CFAP77: variants seen among roughly 807,000 people sequenced by gnomAD.
CFAP77 encodes cilia and flagella associated protein 77.
In CFAP77, 25 loss-of-function variants were observed where a neutral mutation model predicts 31.1. The ratio of observed to expected loss-of-function variants is 0.80; its 90% CI spans 0.59 to 1.12. CFAP77 has a LOEUF of 1.12. CFAP77 is among the 50% of genes most tolerant of loss of function. The pLI is 0.00. For missense variants in CFAP77, 377 were observed against 397.3 expected, an observed-to-expected ratio of 0.95 and a Z score of 0.44; for synonymous variants, 151 against 159.9, an observed-to-expected ratio of 0.94 and a Z score of 0.42.
intron 1 of CFAP77, among the ~76,000 whole-genome samples, chr9:132,439,572 A>T (rs112366091): frequency 5.5e-4 from 83 of 151,704 alleles, no homozygotes; most frequent in African/African-American, 2.0e-3. Context: ...TCTGGCCGGG[A>T]GTGGTGGCTC....
At chr9:132,484,155 C>T (rs1851498734) in intron 1 of CFAP77, among the ~76,000 whole-genome samples, 1 of 152,120 alleles carries the variant, frequency 6.6e-6, no homozygotes, top group South Asian at 2.1e-4. Context: ...CCAGGCTGGT[C>T]TCAAACTCCT....
At position 132,538,005 on chromosome 9, in the gene CFAP77, G is replaced by A. The variant is rs540425868; in HGVS notation, c.630+299G>A. 4.6e-5 allele frequency among the ~76,000 whole-genome samples: 7 copies of A among 152,150 alleles called. No homozygotes were observed. The South Asian group carries it at 1.2e-3, about 27-fold the overall frequency. On this transcript the variant is annotated intron_variant, in intron 4 of 5. Coordinates refer to ENST00000393216, the MANE Select transcript of CFAP77 (RefSeq NM_001282957.2). ...ACCCAGCTGTCCTGACTCCTACCTCGGGACCCTTCCCACCAAACCTCTGCA... is the reference window on the plus strand; with the variant it reads ...ACCCAGCTGTCCTGACTCCTACCTCAGGACCCTTCCCACCAAACCTCTGCA...
At chr9:132,435,156 G>A (rs183101526) in intron 1 of CFAP77, among the ~76,000 whole-genome samples, 3 of 152,130 alleles carry the variant, frequency 2.0e-5, no homozygotes, top group African/African-American at 4.8e-5. Flanking sequence ...TAGGAACAGC[G>A]GGAGGGAATG....
intron 5 of CFAP77, among the ~76,000 whole-genome samples, chr9:132,561,604 T>TACACACACACACACAC (rs61039438): frequency 9.0e-6 from 1 of 111,486 alleles, no homozygotes; most frequent in Non-Finnish European, 1.8e-5. Context: ...GAGGTGCATG[T>TACACACACACACACAC]ACACACACAC....
chr9:132,494,483 C>T (rs1186936703), intron 1 of CFAP77, among the ~76,000 whole-genome samples: 2 of 152,180 alleles, frequency 1.3e-5, no homozygotes, highest in African/African-American at 4.8e-5. Context: ...ATTTTTTATC[C>T]ACCTACGATG....
chr9:132,553,877 AC>A (rs1435180983), intron 5 of CFAP77, among the ~76,000 whole-genome samples: 1 of 152,262 alleles, frequency 6.6e-6, no homozygotes, highest in Non-Finnish European at 1.5e-5. Context: ...CACTTGAATC[AC>A]TTAATACAAG....
chr9:132,447,652 A>ATTG, intron 1 of CFAP77, among the ~76,000 whole-genome samples: 1 of 152,202 alleles, frequency 6.6e-6, no homozygotes, highest in Admixed American at 6.5e-5. Context: ...GTTCGGACCT[A>ATTG]ACACTCCTCT....
At chr9:132,520,066 C>G (rs1852242358) in intron 3 of CFAP77, among the ~76,000 whole-genome samples, 1 of 151,756 alleles carries the variant, frequency 6.6e-6, no homozygotes, top group Non-Finnish European at 1.5e-5. Flanking sequence ...CCCTCAAATC[C>G]TGTACCATTC....
intron 5 of CFAP77, among the ~76,000 whole-genome samples, chr9:132,567,931 C>T (rs561446230): frequency 3.3e-5 from 5 of 152,246 alleles, no homozygotes; most frequent in Admixed American, 1.3e-4. Flanking sequence ...GATTTCATCT[C>T]GAGATCTTTA....
chr9:132,432,862 C>T (rs931117780), intron 1 of CFAP77, among the ~76,000 whole-genome samples: 2 of 151,038 alleles, frequency 1.3e-5, no homozygotes, highest in East Asian at 2.0e-4. Context: ...TACAGGCACC[C>T]GCCACCACGC....
At chr9:132,418,230 A>G (rs969705164) in intron 1 of CFAP77, among the ~76,000 whole-genome samples, 2 of 152,224 alleles carry the variant, frequency 1.3e-5, no homozygotes, top group African/African-American at 4.8e-5. Flanking sequence ...ACGTCTGGAG[A>G]CATTTTTGGT....
chr9:132,429,012 T>A (rs982107338), intron 1 of CFAP77, among the ~76,000 whole-genome samples: 5 of 152,198 alleles, frequency 3.3e-5, no homozygotes, highest in Non-Finnish European at 7.4e-5. Context: ...CATGTTGAAC[T>A]GGGGACCTCT....
chr9:132,520,633 T>G (rs117037553), intron 3 of CFAP77, among the ~76,000 whole-genome samples: 2,172 of 152,264 alleles, frequency 0.014, 21 homozygotes, highest in Non-Finnish European at 0.023. Context: ...TCTAAATAAA[T>G]AAATTAATTA....
At chr9:132,513,382 A>G (rs528364558) in intron 3 of CFAP77, 6 of 1,523,496 alleles carry the variant, frequency 3.9e-6, no homozygotes, top group Non-Finnish European at 5.3e-6. Context: ...TTTAATATTG[A>G]AGAAATAAAA....
chr9:132,427,721 C>T (rs1023313583), intron 1 of CFAP77, among the ~76,000 whole-genome samples: 2 of 152,218 alleles, frequency 1.3e-5, no homozygotes, highest in Non-Finnish European at 2.9e-5. Flanking sequence ...TTCCAGGCCT[C>T]TCTCCTGGTT....
At chr9:132,541,269 C>T (rs1852635774) in intron 4 of CFAP77, among the ~76,000 whole-genome samples, 4 of 152,218 alleles carry the variant, frequency 2.6e-5, no homozygotes, top group Admixed American at 2.6e-4. Context: ...ACTCAGCAAA[C>T]CCTGCAAGAA....
chr9:132,544,198 T>C (rs1852695178), intron 5 of CFAP77, among the ~76,000 whole-genome samples: 1 of 152,228 alleles, frequency 6.6e-6, no homozygotes, highest in Non-Finnish European at 1.5e-5. Context: ...CCAAGTGGCC[T>C]CTGCCAGCAT....
chr9:132,431,496 G>A (rs569464058), intron 1 of CFAP77, among the ~76,000 whole-genome samples: 69 of 152,134 alleles, frequency 4.5e-4, no homozygotes, highest in Non-Finnish European at 9.1e-4. Flanking sequence ...CGCTTGAGAT[G>A]TAAAGAAAAA....
At position 132,513,315 on chromosome 9, in the gene CFAP77, C is replaced by G. The variant is rs1448304351; in HGVS notation, c.524+13715C>G. 2.6e-6 allele frequency: 4 copies of G among 1,548,486 alleles called. No homozygotes were observed. In the East Asian group the frequency reaches 9.8e-5, roughly 38 times the overall value. The stretch of plus-strand genomic sequence containing the variant: ...AGCAACATAACTAACTCCCGTGAAC[C>G]CACTACCTGGATTTAGCACGCTAAC... On this transcript the variant is annotated intron_variant, in intron 3 of 5. Transcript: ENST00000393216.
Sources: gnomAD v4.1 joint callset for allele counts (sites outside exome capture counted in the v4.1 genomes callset) on GRCh38, gnomAD v4.1.1 for gene constraint, MANE v1.5 for transcripts, NCBI Gene and HGNC (gene_info 2026-07-23, HGNC 2026-07-21) for gene names.